The following MEOX2 variants were observed in gnomAD, a reference collection of about 807,000 sequenced individuals.
The protein encoded by MEOX2 is mesenchyme homeobox 2.
A neutral mutation model predicts 27.0 loss-of-function variants in MEOX2; 11 were observed. The observed-to-expected ratio is 0.41, with a 90% CI of 0.26 to 0.68. MEOX2 has a LOEUF of 0.68. MEOX2 is among the 30% of genes least tolerant of loss of function. The pLI, the probability that MEOX2 is intolerant of heterozygous loss-of-function variation, is 0.33. For missense variants in MEOX2, 436 were observed against 385.4 expected (o/e 1.13, Z -1.10); for synonymous variants, 189 against 155.4 (o/e 1.22, Z -1.61).
chr7:15,632,154 T>TG (rs1281801770), intron 1 of MEOX2, among the ~76,000 whole-genome samples: 2 of 151,842 alleles, frequency 1.3e-5, no homozygotes, highest in African/African-American at 2.4e-5. Context: ...ATTGCATTGC[T>TG]GGAATAAACT....
At position 15,612,288 on chromosome 7, in the gene MEOX2, C is replaced by A; in HGVS notation, c.*99G>T. 2.1e-6 allele frequency: 2 copies of A among 931,104 alleles called. No individual in the cohort carries two copies. The highest frequency in any genetic ancestry group is 2.8e-5 in the South Asian group (2 of 70,274). The allele number at this position is 931,104 out of a possible 1,614,324, so 57.7% of individuals were successfully genotyped here. A position where few individuals can be genotyped will look rare whatever the true frequency, so the allele number is the denominator to read the frequency against. Reference sequence around the variant, plus strand: ...AATGCCTGGATTTAATAATATTAAACATCACTGCCATAGTCATCTCTCTGT... The same window carrying A: ...AATGCCTGGATTTAATAATATTAAAAATCACTGCCATAGTCATCTCTCTGT... On this transcript the variant is annotated 3_prime_UTR_variant, in exon 3 of 3. Transcript: ENST00000262041.
intron 1 of MEOX2, among the ~76,000 whole-genome samples, chr7:15,657,505 G>T (rs1468048218): frequency 6.6e-6 from 1 of 151,986 alleles, no homozygotes; most frequent in African/African-American, 2.4e-5. Context: ...ATTTTGGCTA[G>T]TATATTTTTA....
chr7:15,624,011 A>G (rs866415165), intron 2 of MEOX2, among the ~76,000 whole-genome samples: 2 of 152,368 alleles, frequency 1.3e-5, no homozygotes, highest in Middle Eastern at 3.4e-3. Context: ...TATAGTTTAC[A>G]CTAAAAATTA....
intron 1 of MEOX2, among the ~76,000 whole-genome samples, chr7:15,665,324 T>A (rs1411559821): frequency 6.6e-6 from 1 of 152,162 alleles, no homozygotes; most frequent in Non-Finnish European, 1.5e-5. Flanking sequence ...GCAGCCCTAA[T>A]TATCTTTTGG....
At chr7:15,630,038 C>A (rs1364053158) in intron 1 of MEOX2, among the ~76,000 whole-genome samples, 1 of 152,036 alleles carries the variant, frequency 6.6e-6, no homozygotes, top group Non-Finnish European at 1.5e-5. Context: ...TCTCTACAAC[C>A]ACAAACAAAA....
intron 1 of MEOX2, among the ~76,000 whole-genome samples, chr7:15,671,547 T>G: frequency 6.6e-6 from 1 of 152,162 alleles, no homozygotes; most frequent in Non-Finnish European, 1.5e-5. Context: ...CTTTATTAGC[T>G]TGCCCACCCC....
rs1170134253 is a variant in MEOX2 at position 15,626,987 on chromosome 7, A to T, written c.518-69T>A. 23 of 1,473,100 alleles carry T rather than the reference A, an allele frequency of 1.6e-5. 1 individual carries two copies. The highest frequency in any genetic ancestry group is 2.2e-5 in the Non-Finnish European group (23 of 1,059,846). The allele number at this position is 1,473,100 out of a possible 1,614,324, so 91.3% of individuals were successfully genotyped here. On this transcript the variant is annotated intron_variant, in intron 1 of 2. Coordinates refer to ENST00000262041, the MANE Select transcript of MEOX2 (RefSeq NM_005924.5). ...AAACACATGCAATCATATTATTCAC[A>T]GTTATTGAATTACTACTTTTCCAGG...
intron 1 of MEOX2, chr7:15,679,598 TA>T (rs1782260501): frequency 6.6e-6 from 1 of 152,018 alleles, no homozygotes; most frequent in Non-Finnish European, 1.5e-5. Flanking sequence ...TACTACCTAG[TA>T]AAAATATGTT....
chr7:15,663,959 T>C (rs950216030), intron 1 of MEOX2, among the ~76,000 whole-genome samples: 1 of 152,354 alleles, frequency 6.6e-6, no homozygotes, highest in South Asian at 2.1e-4. Context: ...AGATAGATGA[T>C]AGATAACTGA....
intron 1 of MEOX2, among the ~76,000 whole-genome samples, chr7:15,667,333 G>C (rs2115388252): frequency 1.4e-5 from 2 of 138,016 alleles, no homozygotes; most frequent in South Asian, 4.7e-4. Context: ...AGAGGTGAGA[G>C]GAGTTGAGGC....
At chr7:15,658,299 T>A (rs961840042) in intron 1 of MEOX2, among the ~76,000 whole-genome samples, 1 of 152,138 alleles carries the variant, frequency 6.6e-6, no homozygotes, top group African/African-American at 2.4e-5. Flanking sequence ...AGGGTGGAAG[T>A]CTAGGCTGTT....
intron 1 of MEOX2, among the ~76,000 whole-genome samples, chr7:15,682,684 G>C (rs986281287): frequency 7.9e-5 from 12 of 151,714 alleles, no homozygotes; most frequent in African/African-American, 2.9e-4. Flanking sequence ...ACTAAAACTG[G>C]GCAGTTTATT....
At chr7:15,672,900 A>AG (rs1312158518) in intron 1 of MEOX2, among the ~76,000 whole-genome samples, 4 of 141,818 alleles carry the variant, frequency 2.8e-5, no homozygotes, top group South Asian at 2.2e-4. Context: ...TTGAAAAAAA[A>AG]AAAAAGAAAA....
chr7:15,667,554 T>C (rs996000414), intron 1 of MEOX2, among the ~76,000 whole-genome samples: 2 of 152,160 alleles, frequency 1.3e-5, no homozygotes, highest in East Asian at 1.9e-4. Context: ...ACTTAGGGAA[T>C]TATGTACAAG....
intron 1 of MEOX2, among the ~76,000 whole-genome samples, chr7:15,631,728 C>T (rs1451541381): frequency 6.6e-6 from 1 of 151,558 alleles, no homozygotes; most frequent in Non-Finnish European, 1.5e-5. Context: ...ATAATTTATG[C>T]TGTACAAAGC....
intron 1 of MEOX2, among the ~76,000 whole-genome samples, chr7:15,661,505 G>A (rs921022801): frequency 6.6e-6 from 1 of 152,182 alleles, no homozygotes; most frequent in South Asian, 2.1e-4. Context: ...GTTTTTAGAA[G>A]TTCATCACTT....
intron 2 of MEOX2, among the ~76,000 whole-genome samples, chr7:15,615,783 T>C (rs566104980): frequency 1.3e-5 from 2 of 152,134 alleles, no homozygotes; most frequent in East Asian, 3.9e-4. Flanking sequence ...ATGGAAGAAA[T>C]ACATATGTCA....
intron 1 of MEOX2, among the ~76,000 whole-genome samples, chr7:15,654,363 C>T (rs951291646): frequency 2.0e-5 from 3 of 151,700 alleles, no homozygotes; most frequent in African/African-American, 7.3e-5. Flanking sequence ...CAAATAAGAA[C>T]AGGCTTTTTT....
At chr7:15,654,510 A>T (rs1008167252) in intron 1 of MEOX2, among the ~76,000 whole-genome samples, 1 of 151,746 alleles carries the variant, frequency 6.6e-6, no homozygotes, top group African/African-American at 2.4e-5. Flanking sequence ...TCAGTCTTTC[A>T]TCATTAGTAT....
Sources: gnomAD v4.1 joint callset for allele counts (sites outside exome capture counted in the v4.1 genomes callset) on GRCh38, gnomAD v4.1.1 for gene constraint, MANE v1.5 for transcripts, NCBI Gene and HGNC (gene_info 2026-07-23, HGNC 2026-07-21) for gene names.